The following SASH1 variants were observed in gnomAD, a reference collection of about 807,000 sequenced individuals.
SASH1 encodes the protein SAM and SH3 domain-containing protein 1.
In SASH1, 44 loss-of-function variants were observed where a neutral mutation model predicts 125.2. The ratio of observed to expected loss-of-function variants is 0.35; its 90% CI spans 0.28 to 0.45. The LOEUF is 0.45. Ranked by LOEUF, SASH1 falls within the 20% of genes least tolerant of loss-of-function variation. SASH1 has a pLI of 1.00. For missense variants in SASH1, 1,426 were observed against 1,614.5 expected, an observed-to-expected ratio of 0.88 and a Z score of 2.00; for synonymous variants, 639 against 649.1, an observed-to-expected ratio of 0.98 and a Z score of 0.24.
chr6:148,502,116 G>A (rs899495303), intron 8 of SASH1, among the ~76,000 whole-genome samples: 40 of 152,130 alleles, frequency 2.6e-4, no homozygotes, highest in African/African-American at 8.4e-4. Flanking sequence ...TCTCTCTGCC[G>A]CCGCCTCCTC....
intron 10 of SASH1, among the ~76,000 whole-genome samples, chr6:148,521,560 A>C (rs769287951): frequency 2.0e-5 from 3 of 152,130 alleles, no homozygotes; most frequent in African/African-American, 7.2e-5. Context: ...CTGTCCTTTC[A>C]TATTCATGTA....
rs1245301818 is a variant in SASH1, at chr6:148,551,289, A to G, written c.*2731A>G. ...GCTTCAGGAATATCCAGTTTTAATC[A>G]GTTGCATTTGGTACAGAATTTTGAG... On this transcript the variant is annotated 3_prime_UTR_variant, in exon 20 of 20. Transcript: ENST00000367467. 6.6e-6 allele frequency: 1 copy of G among 152,612 alleles called. No individual in the cohort carries two copies. The highest frequency in any genetic ancestry group is 2.4e-5 in the African/African-American group (1 of 41,438). 9.5% of individuals were successfully genotyped at this position (152,612 alleles called of 1,614,324 possible).
chr6:148,319,114 G>A (rs1401008051), intron 1 of SASH1, among the ~76,000 whole-genome samples: 1 of 128,082 alleles, frequency 7.8e-6, no homozygotes, highest in African/African-American at 2.9e-5. Context: ...CTCACTGCAA[G>A]CTCCGCCTCC....
chr6:148,347,417 A>G lies in SASH1; in HGVS notation c.156+4194A>G, dbSNP rs139971585. Among the ~76,000 whole-genome samples, 47 of 152,342 alleles carry G rather than the reference A, an allele frequency of 3.1e-4. 1 individual carries two copies. In the East Asian group the frequency reaches 8.7e-3, roughly 28 times the overall value. On this transcript the variant is annotated intron_variant, in intron 1 of 19. Transcript: ENST00000367467. ...CTACTCTAATTCCTGTGCAAGCTACAGAAAGGCAGGCATCAGTCCACAGAA... is the reference window on the plus strand; with the variant it reads ...CTACTCTAATTCCTGTGCAAGCTACGGAAAGGCAGGCATCAGTCCACAGAA...
Position 148,372,832 on chromosome 6 carries a change from G to A in SASH1, c.157-17302G>A, listed in dbSNP as rs370681686. 1.1e-3 allele frequency among the ~76,000 whole-genome samples: 163 copies of A among 152,200 alleles called. 1 individual carries two copies. Among genetic ancestry groups the A allele is most frequent in the African/African-American group, 3.7e-3 (154 of 41,528 alleles). On this transcript the variant is annotated intron_variant, in intron 1 of 19. Coordinates refer to ENST00000367467, the MANE Select transcript of SASH1 (RefSeq NM_015278.5). ...CTCCTGGACTTGACACCTTAGTTAG[G>A]GGAGGGAAACAATGAAAACCTACAC...
intron 5 of SASH1, 26 bp downstream of exon 5, chr6:148,468,611 C>T (rs1777958001): frequency 6.7e-7 from 1 of 1,492,512 alleles, no homozygotes. Flanking sequence ...CTTGGTTTAC[C>T]TATTTAATTA....
At chr6:148,226,992 G>T in the SASH1 span, among the ~76,000 whole-genome samples, 2 of 152,184 alleles carry the variant, frequency 1.3e-5, no homozygotes, top group African/African-American at 2.4e-5. Context: ...ATTTTGGATT[G>T]ATGAGCAGGG....
intron 7 of SASH1, chr6:148,480,778 A>C (rs192346669): frequency 6.5e-6 from 1 of 152,908 alleles, no homozygotes; most frequent in African/African-American, 2.4e-5. Context: ...GGCTACAAAG[A>C]ACTAATATGT....
intron 19 of SASH1, 120 bp downstream of exon 19, chr6:148,546,266 G>C: frequency 8.6e-7 from 1 of 1,166,864 alleles, no homozygotes; most frequent in Non-Finnish European, 1.2e-6. Context: ...GGAGACAGCT[G>C]GGGAGAAAGT....
At chr6:148,534,019 A>C in intron 15 of SASH1, 39 bp downstream of exon 15, 530 of 1,577,174 alleles carry the variant, frequency 3.4e-4, no homozygotes, top group Non-Finnish European at 4.1e-4. Context: ...CTACTACCTC[A>C]CTGCCTTTTT....
chr6:148,237,569 C>T, the SASH1 span: 1 of 152,088 alleles, frequency 6.6e-6, no homozygotes, highest in African/African-American at 2.4e-5. Context: ...ACATTATAAC[C>T]AGTGTCGATT....
chr6:148,508,690 A>G, intron 8 of SASH1: 1 of 1,186,964 alleles, frequency 8.4e-7, no homozygotes, highest in Non-Finnish European at 1.1e-6. Flanking sequence ...TCGGATACTG[A>G]GCTGTGACGG....
intron 1 of SASH1, among the ~76,000 whole-genome samples, chr6:148,280,086 A>G (rs1165800301): frequency 8.1e-6 from 1 of 123,302 alleles, no homozygotes; most frequent in Admixed American, 1.1e-4. Context: ...CCCCGACATA[A>G]CAAAAGAAAA....
At chr6:148,436,812 A>G (rs1776308619) in intron 2 of SASH1, among the ~76,000 whole-genome samples, 1 of 152,230 alleles carries the variant, frequency 6.6e-6, no homozygotes, top group African/African-American at 2.4e-5. Context: ...GAACCTGTGA[A>G]CATCATAAGG....
At chr6:148,520,836 T>C (rs1320845619) in intron 10 of SASH1, among the ~76,000 whole-genome samples, 2 of 152,188 alleles carry the variant, frequency 1.3e-5, no homozygotes, top group Non-Finnish European at 2.9e-5. Context: ...GTCATCACAG[T>C]CACCAATTTG....
At chr6:148,531,057 T>G (rs962661127) in intron 12 of SASH1, among the ~76,000 whole-genome samples, 3 of 152,168 alleles carry the variant, frequency 2.0e-5, no homozygotes, top group Non-Finnish European at 4.4e-5. Flanking sequence ...AATATAAGAA[T>G]CTAGCCAATT....
the SASH1 span, among the ~76,000 whole-genome samples, chr6:148,205,048 C>T: frequency 1.3e-5 from 2 of 152,242 alleles, no homozygotes; most frequent in South Asian, 2.1e-4. Flanking sequence ...CAATGGGTAT[C>T]GCTAATTTCC....
chr6:148,503,002 A>G (rs936979823), intron 8 of SASH1, among the ~76,000 whole-genome samples: 3 of 152,218 alleles, frequency 2.0e-5, no homozygotes, highest in African/African-American at 4.8e-5. Flanking sequence ...CCCTACCCTC[A>G]GACGTCTAGA....
intron 1 of SASH1, among the ~76,000 whole-genome samples, chr6:148,369,364 A>G (rs959517979): frequency 3.3e-5 from 5 of 152,220 alleles, no homozygotes; most frequent in African/African-American, 1.2e-4. Flanking sequence ...AGGTGATTTC[A>G]TTATGATGCA....
Sources: gnomAD v4.1 joint callset for allele counts (sites outside exome capture counted in the v4.1 genomes callset) on GRCh38, gnomAD v4.1.1 for gene constraint, MANE v1.5 for transcripts, NCBI Gene and HGNC (gene_info 2026-07-23, HGNC 2026-07-21) for gene names.